The following SRGAP1 variants were observed in gnomAD, a reference collection of about 807,000 sequenced individuals.
SRGAP1 encodes SLIT-ROBO Rho GTPase activating protein 1.
Under a neutral mutation model 121.9 loss-of-function variants are expected in SRGAP1, and 43 were observed. The observed-to-expected ratio is 0.35, with a 90% CI of 0.28 to 0.46. The LOEUF (loss-of-function observed/expected upper bound fraction) is 0.46. Ranked by LOEUF, SRGAP1 falls within the 20% of genes least tolerant of loss-of-function variation. The pLI is 1.00. For missense variants in SRGAP1, 1,102 were observed against 1,350.9 expected, an observed-to-expected ratio of 0.82 and a Z score of 2.89; for synonymous variants, 447 against 485.4, an observed-to-expected ratio of 0.92 and a Z score of 1.04.
At chr12:64,084,711 T>C (rs1345547326) in intron 10 of SRGAP1, among the ~76,000 whole-genome samples, 1 of 152,178 alleles carries the variant, frequency 6.6e-6, no homozygotes, top group Non-Finnish European at 1.5e-5. Context: ...ATTTTAAGCA[T>C]TTTACATATC....
At chr12:64,132,326 A>T (rs1180014797) in intron 21 of SRGAP1, among the ~76,000 whole-genome samples, 1 of 152,084 alleles carries the variant, frequency 6.6e-6, no homozygotes, top group Non-Finnish European at 1.5e-5. Context: ...ATTGGATCTG[A>T]TGGGTCATAT....
In SRGAP1 at chr12:64,148,820, C is replaced by A. The variant is rs1422134260; in HGVS notation, c.*6148C>A. The A allele has an allele frequency of 2.0e-5, 3 of 152,204 alleles. No homozygotes were observed. Among genetic ancestry groups the A allele is most frequent in the African/African-American group, 7.2e-5 (3 of 41,460 alleles). The allele number at this position is 152,204 out of a possible 1,614,324, so 9.4% of individuals were successfully genotyped here. On this transcript the variant is annotated 3_prime_UTR_variant, in exon 22 of 22. Transcript: ENST00000355086. Reference sequence around the variant, plus strand: ...AGCTGACACACTGATGTATCCACCACCCAGTTTAAGCAATAGCACATTATC... The same window carrying A: ...AGCTGACACACTGATGTATCCACCAACCAGTTTAAGCAATAGCACATTATC...
intron 21 of SRGAP1, among the ~76,000 whole-genome samples, chr12:64,130,768 T>C (rs1341901994): frequency 2.0e-5 from 3 of 152,216 alleles, no homozygotes; most frequent in African/African-American, 7.2e-5. Context: ...AATACCATCA[T>C]GGTGGATAAG....
rs1391069254 is a variant in SRGAP1, at chr12:64,146,940, A to G, written c.*4268A>G. 6.6e-6 allele frequency: 1 copy of G among 152,186 alleles called. No homozygotes were observed. The highest frequency in any genetic ancestry group is 1.5e-5 in the Non-Finnish European group (1 of 68,070). The allele number at this position is 152,186 out of a possible 1,614,324, so 9.4% of individuals were successfully genotyped here. A position where few individuals can be genotyped will look rare whatever the true frequency, so the allele number is the denominator to read the frequency against. On this transcript the variant is annotated 3_prime_UTR_variant, in exon 22 of 22. Transcript: ENST00000355086. Reference sequence around the variant, plus strand: ...TCGAGATGGATACCTGTGTCTTTAAATTACGTAGGGAATTTTGTATGTTTA... The same window carrying G: ...TCGAGATGGATACCTGTGTCTTTAAGTTACGTAGGGAATTTTGTATGTTTA...
At chr12:63,846,916 A>G (rs1428848160) in intron 1 of SRGAP1, among the ~76,000 whole-genome samples, 1 of 152,230 alleles carries the variant, frequency 6.6e-6, no homozygotes, top group Non-Finnish European at 1.5e-5. Context: ...AATAACAGAT[A>G]AATAGTACAT....
intron 15 of SRGAP1, among the ~76,000 whole-genome samples, chr12:64,105,435 A>T (rs1454856400): frequency 6.6e-6 from 1 of 152,196 alleles, no homozygotes; most frequent in Non-Finnish European, 1.5e-5. Context: ...TTTAAGAGGT[A>T]GAGGGACTAA....
intron 1 of SRGAP1, among the ~76,000 whole-genome samples, chr12:63,880,675 A>G (rs1424767543): frequency 2.0e-5 from 3 of 152,196 alleles, no homozygotes; most frequent in Non-Finnish European, 4.4e-5. Flanking sequence ...TAAGAATCTC[A>G]GGTCCTCAGT....
At chr12:63,910,238 C>T (rs1454961675) in intron 1 of SRGAP1, among the ~76,000 whole-genome samples, 1 of 152,184 alleles carries the variant, frequency 6.6e-6, no homozygotes, top group Non-Finnish European at 1.5e-5. Context: ...AACTTGACAA[C>T]TTGAGAGTTA....
chr12:63,852,500 A>C (rs548807762), intron 1 of SRGAP1, among the ~76,000 whole-genome samples: 22 of 152,332 alleles, frequency 1.4e-4, no homozygotes, highest in African/African-American at 4.8e-4. Flanking sequence ...ATGCATACAG[A>C]TTCCCAGCTC....
chr12:63,943,846 C>T (rs549550631), intron 1 of SRGAP1, among the ~76,000 whole-genome samples: 1 of 152,174 alleles, frequency 6.6e-6, no homozygotes, highest in East Asian at 1.9e-4. Flanking sequence ...AATATGAAAC[C>T]ATAGGGAGAA....
chr12:63,855,473 G>GTTTTT (rs781701925), intron 1 of SRGAP1, among the ~76,000 whole-genome samples: 571 of 52,954 alleles, frequency 0.011, 63 homozygotes, highest in Non-Finnish European at 0.014. Flanking sequence ...GAAAAATGGT[G>GTTTTT]TTTTTTTTTT....
rs58636089 is a variant in SRGAP1 at position 64,144,836 on chromosome 12, C to CTTTTTTTTTTTTTTTTTTTTTTTT, written c.*2167_*2190dup. 1.3e-5 allele frequency: 1 copy of CTTTTTTTTTTTTTTTTTTTTTTTT among 79,450 alleles called. No homozygotes were observed. Among genetic ancestry groups the CTTTTTTTTTTTTTTTTTTTTTTTT allele is most frequent in the Non-Finnish European group, 2.2e-5 (1 of 44,844 alleles). The allele number at this position is 79,450 out of a possible 1,614,324, so 4.9% of individuals were successfully genotyped here. The stretch of plus-strand genomic sequence containing the variant: ...TTAAACTTTCCAAAATAATCCCCCA[C>CTTTTTTTTTTTTTTTTTTTTTTTT]TTTTTTTTTTTTTTTTTTTTTTTTT... On this transcript the variant is annotated 3_prime_UTR_variant, in exon 22 of 22. Transcript: ENST00000355086.
chr12:63,982,196 G>A (rs1411407531), intron 1 of SRGAP1, among the ~76,000 whole-genome samples: 7 of 150,850 alleles, frequency 4.6e-5, no homozygotes, highest in Admixed American at 4.0e-4. Context: ...GGGAGACAGA[G>A]CAAGACTCCG....
chr12:63,984,141 A>G lies in SRGAP1; in HGVS notation c.262A>G (p.Lys88Glu). Residue 88 changes from lysine (K) to glutamate (E), a missense_variant and splice_region_variant, in exon 2 of 22, where the codon AAG becomes GAG. Physicochemically the swap from Lys to Glu is moderately conservative, Grantham distance 56 (BLOSUM62 1). Coordinates refer to ENST00000355086, the MANE Select transcript of SRGAP1 (RefSeq NM_020762.4). ...TRSTKDHQQY[K>E]KDQNLLSPVN... is the part of the protein sequence containing the mutation. ...AAGCACTAAGGATCATCAACAATAC[A>G]AGTAAGAGATTTGAATCTAATTCAC... 1 of 1,445,308 alleles carries G rather than the reference A, an allele frequency of 6.9e-7. No homozygotes were observed. The highest frequency in any genetic ancestry group is 9.3e-7 in the Non-Finnish European group (1 of 1,076,844). 89.5% of individuals were successfully genotyped at this position (1,445,308 alleles called of 1,614,324 possible). A position where few individuals can be genotyped will look rare whatever the true frequency, so the allele number is the denominator to read the frequency against.
intron 4 of SRGAP1, among the ~76,000 whole-genome samples, chr12:64,032,827 T>C (rs909360834): frequency 2.6e-5 from 4 of 152,194 alleles, no homozygotes; most frequent in African/African-American, 9.7e-5. Flanking sequence ...TGCTTTTACT[T>C]TTTAGCAATG....
At position 64,082,190 on chromosome 12, in the gene SRGAP1, G is replaced by A. The variant is rs564276081; in HGVS notation, c.1408+1820G>A. On this transcript the variant is annotated intron_variant, in intron 10 of 21. Transcript: ENST00000355086. ...GTGTTTGAGAGCATGAAGTAGTGGG[G>A]GAATTCATTCTTGGCACTGCTTGCA... is the stretch of plus-strand genomic sequence containing the variant. Among the ~76,000 whole-genome samples the A allele has an allele frequency of 2.0e-3, 297 of 151,646 alleles. 2 individuals are homozygous for A. Among genetic ancestry groups the A allele is most frequent in the African/African-American group, 6.6e-3 (271 of 41,372 alleles).
At chr12:63,989,722 C>G (rs2033504509) in intron 2 of SRGAP1, among the ~76,000 whole-genome samples, 188 bp from the exon 3 acceptor site, 1 of 152,238 alleles carries the variant, frequency 6.6e-6, no homozygotes, top group African/African-American at 2.4e-5. Context: ...ATTGCTGGCT[C>G]TATGCCATCC....
rs573410624 is a variant in SRGAP1 at position 63,907,306 on chromosome 12, G to A, written c.67+62423G>A. Among the ~76,000 whole-genome samples, 969 of 152,264 alleles carry A rather than the reference G, an allele frequency of 6.4e-3. 5 individuals carry two copies. Among genetic ancestry groups the A allele is most frequent in the Non-Finnish European group, 1.0e-2 (679 of 68,020 alleles). ...AATCCCAGCATTTTGGGAGGCTGAG[G>A]TGGGTGTATCACCTGAGGTCAGGAG... is the stretch of plus-strand genomic sequence containing the variant. On this transcript the variant is annotated intron_variant, in intron 1 of 21. Transcript: ENST00000355086.
intron 1 of SRGAP1, among the ~76,000 whole-genome samples, chr12:63,859,922 T>G (rs1899389816): frequency 2.0e-5 from 3 of 152,218 alleles, no homozygotes; most frequent in Admixed American, 2.0e-4. Flanking sequence ...TTTTGATATG[T>G]AAAGAATTAA....
Sources: gnomAD v4.1 joint callset for allele counts (sites outside exome capture counted in the v4.1 genomes callset) on GRCh38, gnomAD v4.1.1 for gene constraint, MANE v1.5 for transcripts, NCBI Gene and HGNC (gene_info 2026-07-23, HGNC 2026-07-21) for gene names.